CDKAL1: variants seen among roughly 807,000 people sequenced by gnomAD.
CDKAL1 encodes CDKAL1 threonylcarbamoyladenosine tRNA methylthiotransferase.
Under a neutral mutation model 68.2 loss-of-function variants are expected in CDKAL1, and 32 were observed. That is an observed-to-expected ratio of 0.47 (90% CI 0.35 to 0.63). CDKAL1 has a LOEUF of 0.63. Among genes scored for constraint, CDKAL1 ranks in the 30% least tolerant of loss-of-function variants. The pLI, the probability that CDKAL1 is intolerant of heterozygous loss-of-function variation, is 0.00. For missense variants in CDKAL1, 606 were observed against 696.7 expected (o/e 0.87, Z 1.47); for synonymous variants, 234 against 244.3 (o/e 0.96, Z 0.39).
At chr6:20,544,291 A>G (rs967716524) in intron 2 of CDKAL1, among the ~76,000 whole-genome samples, 3 of 151,970 alleles carry the variant, frequency 2.0e-5, no homozygotes, top group African/African-American at 7.3e-5. Flanking sequence ...TAGCTATCTA[A>G]TAAGTCTTAA....
intron 6 of CDKAL1, among the ~76,000 whole-genome samples, chr6:20,742,095 C>T (rs181683216): frequency 7.9e-5 from 12 of 152,050 alleles, no homozygotes; most frequent in South Asian, 4.2e-4. Flanking sequence ...GCTTGTTAGC[C>T]GCGTGTATGT....
intron 4 of CDKAL1, among the ~76,000 whole-genome samples, chr6:20,552,472 G>T (rs1159443758): frequency 6.6e-6 from 1 of 151,958 alleles, no homozygotes; most frequent in East Asian, 1.9e-4. Flanking sequence ...GTTTGTGTTT[G>T]GTCTTGTAAC....
intron 13 of CDKAL1, among the ~76,000 whole-genome samples, chr6:21,109,096 G>A (rs1773998603): frequency 6.6e-6 from 1 of 152,000 alleles, no homozygotes; most frequent in Non-Finnish European, 1.5e-5. Context: ...CAATATATTT[G>A]TAAAAGATAA....
At chr6:21,227,718 A>ATGTT (rs1188798074) in intron 15 of CDKAL1, among the ~76,000 whole-genome samples, 1 of 152,222 alleles carries the variant, frequency 6.6e-6, no homozygotes, top group Non-Finnish European at 1.5e-5. Context: ...ATGTTCAAAT[A>ATGTT]TGTTAAACAT....
At position 21,222,636 on chromosome 6, in the gene CDKAL1, A is replaced by AAGAT. The variant is rs541033251; in HGVS notation, c.1549-8209_1549-8206dup. The stretch of plus-strand genomic sequence containing the variant: ...GGAATGTCTAGAAGAATAAAGGAGA[A>AAGAT]AGATAGCTTGGCACCCTTAATCCCC... On this transcript the variant is annotated intron_variant, in intron 15 of 15. Transcript: ENST00000274695. 5.4e-3 allele frequency among the ~76,000 whole-genome samples: 829 copies of AAGAT among 152,310 alleles called. 9 individuals are homozygous for AAGAT. The highest frequency in any genetic ancestry group is 5.7e-3 in the Non-Finnish European group (388 of 68,028).
chr6:20,987,531 A>G (rs1766534836), intron 10 of CDKAL1, among the ~76,000 whole-genome samples: 1 of 152,184 alleles, frequency 6.6e-6, no homozygotes, highest in Non-Finnish European at 1.5e-5. Flanking sequence ...CTGGGGGGTT[A>G]TAAGCGTGAG....
At chr6:21,112,356 C>A (rs1774161882) in intron 13 of CDKAL1, among the ~76,000 whole-genome samples, 1 of 152,166 alleles carries the variant, frequency 6.6e-6, no homozygotes, top group South Asian at 2.1e-4. Context: ...GGAAAAAGTT[C>A]TATTTACATC....
At chr6:21,110,747 G>A (rs766699209) in intron 13 of CDKAL1, among the ~76,000 whole-genome samples, 3 of 152,162 alleles carry the variant, frequency 2.0e-5, no homozygotes, top group Admixed American at 1.3e-4. Context: ...TCACTTGAGC[G>A]CAGGAGTTTG....
rs70990099 is a variant in CDKAL1 at position 21,091,857 on chromosome 6, CTTTTTTTTTTTTTTTTTTTTTTTTTTTTT to C, written c.1237-16525_1237-16497del. ...AATGCAGCAACAGGCTCAGAACTTT[CTTTTTTTTTTTTTTTTTTTTTTTTTTTTT>C]TTTTTTTTTTTTTTTTTTGAGACGG... On this transcript the variant is annotated intron_variant, in intron 12 of 15. Coordinates refer to ENST00000274695, the MANE Select transcript of CDKAL1 (RefSeq NM_017774.3). Among the ~76,000 whole-genome samples the C allele has an allele frequency of 1.7e-4, 12 of 70,580 alleles. 1 individual carries two copies. Among genetic ancestry groups the C allele is most frequent in the East Asian group, 3.9e-4 (1 of 2,536 alleles). The allele number at this position is 70,580 out of a possible 152,430, so 46.3% of individuals were successfully genotyped here.
At chr6:20,668,521 T>G (rs554202391) in intron 5 of CDKAL1, among the ~76,000 whole-genome samples, 2 of 152,324 alleles carry the variant, frequency 1.3e-5, no homozygotes, top group African/African-American at 4.8e-5. Flanking sequence ...ACTGGAAACC[T>G]TAGTTGTTGA....
intron 11 of CDKAL1, among the ~76,000 whole-genome samples, chr6:21,031,766 C>T (rs1769302541): frequency 1.3e-5 from 2 of 152,038 alleles, no homozygotes; most frequent in South Asian, 4.1e-4. Flanking sequence ...CCATAACAAA[C>T]CCAGTCTTTT....
At chr6:21,171,815 C>T (rs1777400384) in intron 13 of CDKAL1, among the ~76,000 whole-genome samples, 1 of 152,162 alleles carries the variant, frequency 6.6e-6, no homozygotes, top group African/African-American at 2.4e-5. Context: ...AAGCTGTCCA[C>T]ACTCCCACCC....
chr6:20,849,665 G>C (rs1758903752), intron 9 of CDKAL1, among the ~76,000 whole-genome samples: 1 of 151,582 alleles, frequency 6.6e-6, no homozygotes, highest in Non-Finnish European at 1.5e-5. Context: ...TCTAATTTTG[G>C]GTAAGAATAT....
At chr6:21,138,910 T>G (rs72838013) in intron 13 of CDKAL1, among the ~76,000 whole-genome samples, 264 of 152,356 alleles carry the variant, frequency 1.7e-3, no homozygotes, top group Non-Finnish European at 3.3e-3. Flanking sequence ...TTTCTCCTTC[T>G]GTGTGCCCTT....
At chr6:21,052,993 T>G (rs922648211) in intron 11 of CDKAL1, among the ~76,000 whole-genome samples, 1 of 152,184 alleles carries the variant, frequency 6.6e-6, no homozygotes, top group Non-Finnish European at 1.5e-5. Context: ...TAGGATAATT[T>G]AGAGAACACA....
At chr6:20,797,014 A>G (rs1389516947) in intron 8 of CDKAL1, among the ~76,000 whole-genome samples, 1 of 152,206 alleles carries the variant, frequency 6.6e-6, no homozygotes, top group Non-Finnish European at 1.5e-5. Flanking sequence ...ATGATCTATA[A>G]AAGGATAAAA....
At chr6:20,924,349 G>C (rs982019114) in intron 9 of CDKAL1, among the ~76,000 whole-genome samples, 35 of 151,382 alleles carry the variant, frequency 2.3e-4, no homozygotes, top group African/African-American at 8.5e-4. Context: ...CTGAGCGACA[G>C]AGTAAGACCC....
At chr6:20,756,903 CCTTCCTTCCTT>C (rs1774224417) in intron 6 of CDKAL1, 4 of 107,610 alleles carry the variant, frequency 3.7e-5, no homozygotes, top group African/African-American at 1.4e-4. Context: ...TTCCTTCCTT[CCTTCCTTCCTT>C]CCTTCCTTCC....
chr6:21,101,624 A>T (rs1334855166), intron 12 of CDKAL1, among the ~76,000 whole-genome samples: 1 of 152,088 alleles, frequency 6.6e-6, no homozygotes, highest in African/African-American at 2.4e-5. Flanking sequence ...ATGAGTCCCA[A>T]GTCCTTTACA....
Sources: gnomAD v4.1 joint callset for allele counts (sites outside exome capture counted in the v4.1 genomes callset) on GRCh38, gnomAD v4.1.1 for gene constraint, MANE v1.5 for transcripts, NCBI Gene and HGNC (gene_info 2026-07-23, HGNC 2026-07-21) for gene names.